Variants in ETNPPL observed in about 807,000 individuals in gnomAD.
ETNPPL encodes the protein ethanolamine-phosphate phospho-lyase, also known as alanine--glyoxylate aminotransferase 2-like 1.
A neutral mutation model predicts 55.5 loss-of-function variants in ETNPPL; 30 were observed. That is an observed-to-expected ratio of 0.54 (90% CI 0.40 to 0.73). The LOEUF is 0.73. ETNPPL is among the 30% of genes least tolerant of loss of function. ETNPPL has a pLI of 0.00. For missense variants in ETNPPL, 528 were observed against 607.9 expected (o/e 0.87, Z 1.38); for synonymous variants, 202 against 207.2 (o/e 0.98, Z 0.21).
intron 5 of ETNPPL, among the ~76,000 whole-genome samples, chr4:108,753,749 T>TAAATA (rs1553934219): frequency 2.6e-5 from 2 of 76,712 alleles, no homozygotes; most frequent in African/African-American, 1.1e-4. Context: ...CTCAAATAAA[T>TAAATA]AAGAAAGAAA....
At chr4:108,753,564 A>G (rs1325215424) in intron 5 of ETNPPL, among the ~76,000 whole-genome samples, 3 of 152,052 alleles carry the variant, frequency 2.0e-5, no homozygotes, top group South Asian at 2.1e-4. Context: ...CTACATGATG[A>G]AACCCTGTCT....
At chr4:108,748,311 G>A (rs1383769465) in intron 8 of ETNPPL, 152 bp from the exon 9 acceptor site, 10 of 572,054 alleles carry the variant, frequency 1.7e-5, no homozygotes, top group Non-Finnish European at 3.0e-5. Flanking sequence ...ATTTAGAATA[G>A]AGCATGATTC....
chr4:108,757,834 G>A (rs908281732), intron 3 of ETNPPL, among the ~76,000 whole-genome samples: 3 of 148,140 alleles, frequency 2.0e-5, no homozygotes, highest in African/African-American at 7.9e-5. Context: ...GGGTTACAGG[G>A]GCTCACCCTG....
chr4:108,753,805 AAAAGAG>A (rs1330587142), intron 5 of ETNPPL, among the ~76,000 whole-genome samples: 99 of 117,496 alleles, frequency 8.4e-4, no homozygotes, highest in African/African-American at 2.9e-3. Flanking sequence ...AGAAAGAAAG[AAAAGAG>A]AAGAAAAGAA....
At position 108,747,207 on chromosome 4, in the gene ETNPPL, TA is replaced by T. The variant is rs1263688281; in HGVS notation, c.1083-357del. On this transcript the variant is annotated intron_variant, in intron 9 of 12. Coordinates refer to ENST00000296486, the MANE Select transcript of ETNPPL (RefSeq NM_031279.4). Reference sequence around the variant, plus strand: ...TATATATATATATTATATATATATATAATATATATATATATATTATATATAT... The same window carrying T: ...TATATATATATATTATATATATATATATATATATATATATATTATATATAT... 4.0e-3 allele frequency among the ~76,000 whole-genome samples: 51 copies of T among 12,906 alleles called. 5 individuals carry two copies. The highest frequency in any genetic ancestry group is 0.022 in the African/African-American group (40 of 1,790). The allele number at this position is 12,906 out of a possible 152,430, so 8.5% of individuals were successfully genotyped here. A position where few individuals can be genotyped will look rare whatever the true frequency, so the allele number is the denominator to read the frequency against.
intron 5 of ETNPPL, among the ~76,000 whole-genome samples, chr4:108,753,785 AAAGAAAGAAAGAAAGAAAGAAAAGAG>A (rs1182698723): frequency 5.2e-5 from 6 of 116,498 alleles, no homozygotes; most frequent in African/African-American, 2.6e-4. Context: ...AGAAAGAAAG[AAAGAAAGAAAGAAAGAAAGAAAAGAG>A]AAGAAAAGAA....
chr4:108,749,715 A>AT lies in ETNPPL; in HGVS notation c.702-253dup, dbSNP rs548904981. On this transcript the variant is annotated intron_variant, in intron 7 of 12. Transcript: ENST00000296486. ...TACTTAAAGTAAGCTATATTGCAGT[A>AT]TTTTTTTTTAAGAGATGGGGTCTCA... 2.5e-3 allele frequency among the ~76,000 whole-genome samples: 382 copies of AT among 151,144 alleles called. 2 individuals carry two copies. Among genetic ancestry groups the AT allele is most frequent in the African/African-American group, 8.8e-3 (362 of 41,264 alleles).
At chr4:108,759,191 C>T (rs915872267) in intron 3 of ETNPPL, among the ~76,000 whole-genome samples, 4 of 151,880 alleles carry the variant, frequency 2.6e-5, no homozygotes, top group African/African-American at 9.7e-5. Flanking sequence ...TTGCCAGGCG[C>T]AGTGGCTCAC....
intron 6 of ETNPPL, 119 bp from the exon 7 acceptor site, chr4:108,751,137 G>T: frequency 1.8e-6 from 1 of 541,022 alleles, no homozygotes; most frequent in Non-Finnish European, 3.3e-6. Context: ...GTAGCAAGTG[G>T]CAAATTAGCC....
intron 6 of ETNPPL, among the ~76,000 whole-genome samples, chr4:108,752,430 C>A (rs142873893): frequency 1.3e-5 from 2 of 152,144 alleles, no homozygotes; most frequent in African/African-American, 2.4e-5. Flanking sequence ...AGGCCCACAT[C>A]GGAAGAACAT....
intron 8 of ETNPPL, among the ~76,000 whole-genome samples, chr4:108,748,438 T>C (rs1414996568): frequency 1.3e-5 from 2 of 152,136 alleles, no homozygotes; most frequent in Non-Finnish European, 2.9e-5. Flanking sequence ...AGACATTATG[T>C]TGGGAGTTCA....
At position 108,742,055 on chromosome 4, in the gene ETNPPL, T is replaced by C. The variant is rs932893727; in HGVS notation, c.*429A>G. Reference sequence around the variant, plus strand: ...TTTCTAGTAATTTTTTTTGTTTACATCATATTTTATTTTATTACAGTCAAT... The same window carrying C: ...TTTCTAGTAATTTTTTTTGTTTACACCATATTTTATTTTATTACAGTCAAT... On this transcript the variant is annotated 3_prime_UTR_variant, in exon 13 of 13. Coordinates refer to ENST00000296486, the MANE Select transcript of ETNPPL (RefSeq NM_031279.4). The C allele has an allele frequency of 6.5e-6, 1 of 152,908 alleles. No homozygotes were observed. Among genetic ancestry groups the C allele is most frequent in the African/African-American group, 2.4e-5 (1 of 41,474 alleles). 9.5% of individuals were successfully genotyped at this position (152,908 alleles called of 1,614,324 possible). A position where few individuals can be genotyped will look rare whatever the true frequency, so the allele number is the denominator to read the frequency against.
intron 10 of ETNPPL, 63 bp downstream of exon 10, chr4:108,746,699 C>CTT (rs1323540856): frequency 1.3e-6 from 2 of 1,541,070 alleles, no homozygotes; most frequent in Non-Finnish European, 1.8e-6. Context: ...GTCAAGCAAG[C>CTT]TTTCAAGTGG....
At chr4:108,753,133 T>G in intron 5 of ETNPPL, 122 bp from the exon 6 acceptor site, 2 of 602,638 alleles carry the variant, frequency 3.3e-6, no homozygotes, top group Non-Finnish European at 5.8e-6. Context: ...TACTTTAGGT[T>G]TTTTTGTTCT....
At chr4:108,747,577 G>C (rs184471311) in intron 9 of ETNPPL, among the ~76,000 whole-genome samples, 225 of 151,738 alleles carry the variant, frequency 1.5e-3, no homozygotes, top group African/African-American at 5.0e-3. Flanking sequence ...TGGGATTACA[G>C]ATGTGAACCA....
intron 1 of ETNPPL, among the ~76,000 whole-genome samples, chr4:108,761,241 A>G (rs1247424740): frequency 2.0e-5 from 3 of 152,202 alleles, no homozygotes; most frequent in Non-Finnish European, 4.4e-5. Flanking sequence ...TTTTGCATAC[A>G]TACAAAAAAA....
At chr4:108,748,852 G>A (rs1432888855) in intron 8 of ETNPPL, among the ~76,000 whole-genome samples, 1 of 152,036 alleles carries the variant, frequency 6.6e-6, no homozygotes, top group Non-Finnish European at 1.5e-5. Context: ...GCCTGTTTTA[G>A]GACAGGTAAA....
intron 5 of ETNPPL, among the ~76,000 whole-genome samples, chr4:108,753,829 A>G (rs983472675): frequency 1.1e-4 from 16 of 147,736 alleles, no homozygotes; most frequent in Non-Finnish European, 1.7e-4. Context: ...GAAAAGAAAA[A>G]AAGAAATTAT....
chr4:108,762,773 T>G, intron 1 of ETNPPL, 70 bp downstream of exon 1: 1 of 1,547,280 alleles, frequency 6.5e-7, no homozygotes, highest in African/African-American at 1.4e-5. Flanking sequence ...CTAGCCGGCT[T>G]TCTCTCTCCA....
Sources: allele counts gnomAD v4.1 joint callset (sites outside exome capture counted in the v4.1 genomes callset), GRCh38; gene constraint gnomAD v4.1.1; transcripts MANE v1.5; gene names NCBI Gene and HGNC (gene_info 2026-07-23, HGNC 2026-07-21).